The following UGT2B28 variants were observed in gnomAD, a reference collection of about 807,000 sequenced individuals.
UGT2B28 encodes UDP glucuronosyltransferase family 2 member B28, also known as UDP-glucuronosyltransferase 2B28.
A neutral mutation model predicts 43.6 loss-of-function variants in UGT2B28; 45 were observed. The observed-to-expected ratio is 1.03, with a 90% CI of 0.81 to 1.32. The LOEUF (loss-of-function observed/expected upper bound fraction) is 1.32, where lower values mean the gene tolerates loss of function less well. UGT2B28 is among the 40% of genes most tolerant of loss of function. UGT2B28 has a pLI of 0.00. For missense variants in UGT2B28, 649 were observed against 625.5 expected (o/e 1.04, Z -0.40); for synonymous variants, 204 against 208.1 (o/e 0.98, Z 0.17).
Position 69,288,077 on chromosome 4 carries a change from G to A in UGT2B28, c.1002+1194G>A, listed in dbSNP as rs1277488280. Among the ~76,000 whole-genome samples, 3 of 137,912 alleles carry A rather than the reference G, an allele frequency of 2.2e-5. 1 individual carries two copies. Among genetic ancestry groups the A allele is most frequent in the African/African-American group, 8.6e-5 (3 of 34,966 alleles). 90.5% of individuals were successfully genotyped at this position (137,912 alleles called of 152,430 possible). ...GATAATAATCAGTTGACCAAATTCA[G>A]CAAAATACAATTTTGAGTTTATTCA... On this transcript the variant is annotated intron_variant, in intron 3 of 5. Transcript: ENST00000335568.
At chr4:69,292,192 CAA>C (rs1202339539) in intron 5 of UGT2B28, among the ~76,000 whole-genome samples, 1 of 139,926 alleles carries the variant, frequency 7.1e-6, no homozygotes, top group Non-Finnish European at 1.5e-5. Context: ...CTTTGAAGCA[CAA>C]AAAATATAAT....
intron 2 of UGT2B28, among the ~76,000 whole-genome samples, chr4:69,282,939 C>T (rs990275283): frequency 5.0e-5 from 7 of 140,174 alleles, no homozygotes; most frequent in Admixed American, 2.2e-4. Context: ...ATTTGTCATT[C>T]ATTCAAAGAA....
At position 69,294,501 on chromosome 4, in the gene UGT2B28, G is replaced by A. The variant is rs2109699973; in HGVS notation, c.1311-29G>A. On this transcript the variant is annotated intron_variant, in intron 5 of 5. Transcript: ENST00000335568. ...ATACAGGCCAGTTAACTTACTTTCA[G>A]TGTTGGTATCTTTATTTTTATCCTT... is the stretch of plus-strand genomic sequence containing the variant. 5.3e-6 allele frequency: 8 copies of A among 1,505,512 alleles called. 1 individual carries two copies. The highest frequency in any genetic ancestry group is 7.1e-6 in the Non-Finnish European group (8 of 1,129,126). 93.3% of individuals were successfully genotyped at this position (1,505,512 alleles called of 1,614,324 possible). A position where few individuals can be genotyped will look rare whatever the true frequency, so the allele number is the denominator to read the frequency against.
rs747615508 is a variant in UGT2B28 at position 69,294,623 on chromosome 4, GT to G, written c.1405del (p.Cys469AlafsTer25). 31 of 1,552,318 alleles carry G rather than the reference GT, an allele frequency of 2.0e-5. 3 individuals carry two copies. The highest frequency in any genetic ancestry group is 2.7e-5 in the Non-Finnish European group (31 of 1,150,386). On this transcript the variant is annotated frameshift_variant, in exon 6 of 6. Coordinates refer to ENST00000335568, the MANE Select transcript of UGT2B28 (RefSeq NM_053039.2). LOFTEE classifies it low-confidence loss of function (END_TRUNC). ...CAGTCTTCTGGATTGAATTTGTGAT[GT>G]GCCACAAAGGAGCCAAACACCTTCG... ...RAVFWIEFVM[C>X]HKGAKHLRVA...
rs982319005 is a variant in UGT2B28, at chr4:69,281,442, G to A, written c.721+221G>A. Among the ~76,000 whole-genome samples, 4 of 140,318 alleles carry A rather than the reference G, an allele frequency of 2.9e-5. 1 individual carries two copies. The highest frequency in any genetic ancestry group is 6.1e-5 in the Non-Finnish European group (4 of 65,638). 92.1% of individuals were successfully genotyped at this position (140,318 alleles called of 152,430 possible). On this transcript the variant is annotated intron_variant, in intron 1 of 5. Coordinates refer to ENST00000335568, the MANE Select transcript of UGT2B28 (RefSeq NM_053039.2). ...CCATCACTCATACAGAACACCCCAG[G>A]AAATCATAAACCTATATATTAGTAC...
chr4:69,287,770 T>C (rs534755747), intron 3 of UGT2B28, among the ~76,000 whole-genome samples: 1 of 140,718 alleles, frequency 7.1e-6, no homozygotes, highest in South Asian at 2.4e-4. Context: ...AGTAGGAATG[T>C]ATTTTCTTCT....
rs543366472 is a variant in UGT2B28, at chr4:69,288,668, T to C, written c.1003-997T>C. Among the ~76,000 whole-genome samples, 17 of 139,892 alleles carry C rather than the reference T, an allele frequency of 1.2e-4. 1 individual carries two copies. Among genetic ancestry groups the C allele is most frequent in the African/African-American group, 4.2e-4 (15 of 35,852 alleles). 91.8% of individuals were successfully genotyped at this position (139,892 alleles called of 152,430 possible). ...GGTAAACTTGTGTCATGGGGTTTTG[T>C]TGTACTAATTGTTTCATCACCCAGG... On this transcript the variant is annotated intron_variant, in intron 3 of 5. Coordinates refer to ENST00000335568, the MANE Select transcript of UGT2B28 (RefSeq NM_053039.2).
At position 69,286,961 on chromosome 4, in the gene UGT2B28, T is replaced by G. The variant is rs182456184; in HGVS notation, c.1002+78T>G. 2.1e-4 allele frequency: 323 copies of G among 1,521,956 alleles called. 57 individuals are homozygous for G. The African/African-American group carries it at 4.6e-3, about 22-fold the overall frequency. 94.3% of individuals were successfully genotyped at this position (1,521,956 alleles called of 1,614,324 possible). On this transcript the variant is annotated intron_variant, in intron 3 of 5. Transcript: ENST00000335568. ...GTTTGAGATCTACACAGAAAGAATA[T>G]TAAGGCTAGACTGAACTCTTTACAG... is the stretch of plus-strand genomic sequence containing the variant.
At chr4:69,292,193 A>C (rs1281100507) in intron 5 of UGT2B28, among the ~76,000 whole-genome samples, 1 of 140,432 alleles carries the variant, frequency 7.1e-6, no homozygotes, top group Non-Finnish European at 1.5e-5. Context: ...TTTGAAGCAC[A>C]AAAAATATAA....
At chr4:69,281,712 G>A (rs1415737339) in intron 1 of UGT2B28, among the ~76,000 whole-genome samples, 4 of 140,134 alleles carry the variant, frequency 2.9e-5, no homozygotes. Flanking sequence ...GAGAGATAAT[G>A]TCCACATCTC....
chr4:69,294,910 G>T lies in UGT2B28; in HGVS notation c.*101G>T. 1.5e-6 allele frequency: 2 copies of T among 1,321,136 alleles called. No individual in the cohort carries two copies. The highest frequency in any genetic ancestry group is 3.2e-5 in the Admixed American group (1 of 31,030). The allele number at this position is 1,321,136 out of a possible 1,614,324, so 81.8% of individuals were successfully genotyped here. ...TGTTATGCAAGATTTCTTTCTTCCT[G>T]TGACAAAAAAAAAAACTTTTCAAAA... On this transcript the variant is annotated 3_prime_UTR_variant, in exon 6 of 6. Transcript: ENST00000335568.
Position 69,280,475 on chromosome 4 carries a change from G to T in UGT2B28, c.-26G>T. ...AAGTATGAGAAAGAAACAGTGACTT[G>T]AAAAGAATGATTGCATTGCACCAGG... On this transcript the variant is annotated 5_prime_UTR_variant, in exon 1 of 6. Transcript: ENST00000335568. The T allele has an allele frequency of 2.0e-6, 3 of 1,534,848 alleles. 1 individual carries two copies. Among genetic ancestry groups the T allele is most frequent in the Non-Finnish European group, 2.6e-6 (3 of 1,145,444 alleles).
Position 69,290,698 on chromosome 4 carries a change from A to C in UGT2B28, c.1197A>C (p.Gln399His), listed in dbSNP as rs779974336. Residue 399 changes from glutamine (Q) to histidine (H), a missense_variant, in exon 5 of 6, where the codon CAA (glutamine) becomes CAC (histidine). By Grantham distance (24) the Gln-to-His change is conservative. Coordinates refer to ENST00000335568, the MANE Select transcript of UGT2B28 (RefSeq NM_053039.2). ...PMVGIPLFWD[Q>H]PDNIAHMKAK... is the part of the protein sequence containing the mutation. Reference sequence around the variant, plus strand: ...TAGGCATTCCATTGTTTTGGGATCAACCTGATAACATTGCTCACATGAAGG... The same window carrying C: ...TAGGCATTCCATTGTTTTGGGATCACCCTGATAACATTGCTCACATGAAGG... 1 of 1,559,624 alleles carries C rather than the reference A, an allele frequency of 6.4e-7. No individual in the cohort carries two copies. The highest frequency in any genetic ancestry group is 1.2e-5 in the South Asian group (1 of 84,410).
At chr4:69,293,480 G>A (rs1468078342) in intron 5 of UGT2B28, among the ~76,000 whole-genome samples, 1 of 140,048 alleles carries the variant, frequency 7.1e-6, no homozygotes, top group Non-Finnish European at 1.5e-5. Context: ...CTAGGAATCA[G>A]ATAGAAAATA....
At position 69,283,991 on chromosome 4, in the gene UGT2B28, C is replaced by T. The variant is rs1394065499; in HGVS notation, c.870+1329C>T. Among the ~76,000 whole-genome samples the T allele has an allele frequency of 4.3e-5, 6 of 140,892 alleles. 2 individuals are homozygous for T. The highest frequency in any genetic ancestry group is 8.3e-5 in the African/African-American group (3 of 36,154). The allele number at this position is 140,892 out of a possible 152,430, so 92.4% of individuals were successfully genotyped here. A position where few individuals can be genotyped will look rare whatever the true frequency, so the allele number is the denominator to read the frequency against. On this transcript the variant is annotated intron_variant, in intron 2 of 5. Coordinates refer to ENST00000335568, the MANE Select transcript of UGT2B28 (RefSeq NM_053039.2). ...AATGTGTGCCTTAAATATGTGCAGA[C>T]AAACCCAGGGTTCACTTGACTTTAA...
At chr4:69,284,788 G>A (rs1272586319) in intron 2 of UGT2B28, among the ~76,000 whole-genome samples, 1 of 140,350 alleles carries the variant, frequency 7.1e-6, no homozygotes, top group East Asian at 2.0e-4. Context: ...AACACAGGTT[G>A]CTTTCTTTTC....
At position 69,282,663 on chromosome 4, in the gene UGT2B28, G is replaced by A. The variant is rs1166046894; in HGVS notation, c.870+1G>A. On this transcript the variant is annotated splice_donor_variant, in intron 2 of 5. Coordinates refer to ENST00000335568, the MANE Select transcript of UGT2B28 (RefSeq NM_053039.2). LOFTEE classifies it high-confidence loss of function. ...CAAACCTGCCAAACCCCTACCTAAG[G>A]TAAACATACTTTCGTTGGTTTTATT... The A allele has an allele frequency of 2.6e-6, 4 of 1,543,920 alleles. No homozygotes were observed. The highest frequency in any genetic ancestry group is 1.7e-6 in the Non-Finnish European group (2 of 1,150,264).
intron 5 of UGT2B28, among the ~76,000 whole-genome samples, chr4:69,291,660 T>C (rs1229580632): frequency 7.1e-6 from 1 of 141,112 alleles, no homozygotes; most frequent in Non-Finnish European, 1.5e-5. Context: ...GGCCTTTTGA[T>C]TGTTTCCAAT....
intron 2 of UGT2B28, among the ~76,000 whole-genome samples, chr4:69,284,784 G>T (rs1205865323): frequency 7.1e-6 from 1 of 140,362 alleles, no homozygotes; most frequent in Admixed American, 7.2e-5. Flanking sequence ...TGCTAACACA[G>T]GTTGCTTTCT....
Sources: allele counts gnomAD v4.1 joint callset (sites outside exome capture counted in the v4.1 genomes callset), GRCh38; gene constraint gnomAD v4.1.1; transcripts MANE v1.5; gene names NCBI Gene and HGNC (gene_info 2026-07-23, HGNC 2026-07-21).